Variants in SCPPPQ1 observed in about 807,000 individuals in gnomAD.
SCPPPQ1 encodes the protein secretory calcium-binding phosphoprotein proline- and glutamine-rich 1.
At chr4:87,464,383 C>A in the SCPPPQ1 span, among the ~76,000 whole-genome samples, 1 of 151,890 alleles carries the variant, frequency 6.6e-6, no homozygotes, top group Non-Finnish European at 1.5e-5. Context: ...CAACCCCAAA[C>A]CTATCTCTGG....
the SCPPPQ1 span, among the ~76,000 whole-genome samples, chr4:87,470,465 A>G: frequency 1.3e-5 from 2 of 152,196 alleles, no homozygotes; most frequent in Admixed American, 6.5e-5. Context: ...AGGAAATTGT[A>G]TGGGAAAAAT....
chr4:87,470,693 A>G, the SCPPPQ1 span, among the ~76,000 whole-genome samples: 1 of 152,178 alleles, frequency 6.6e-6, no homozygotes, highest in Non-Finnish European at 1.5e-5. Context: ...CAACTTTATC[A>G]TGTTATTATT....
chr4:87,463,961 T>A, the SCPPPQ1 span, among the ~76,000 whole-genome samples: 2 of 152,200 alleles, frequency 1.3e-5, no homozygotes, highest in Middle Eastern at 3.2e-3. Flanking sequence ...TGAATCTCTT[T>A]ACTTGTTGAG....
the SCPPPQ1 span, chr4:87,460,848 T>A: frequency 6.6e-6 from 1 of 152,630 alleles, no homozygotes; most frequent in Non-Finnish European, 1.5e-5. Flanking sequence ...AAGCCCATGG[T>A]CTAGATACAT....
chr4:87,465,559 CAAAAAAAAAAAA>C, the SCPPPQ1 span, among the ~76,000 whole-genome samples: 27 of 98,314 alleles, frequency 2.7e-4, no homozygotes, highest in African/African-American at 9.7e-4. Context: ...TAGAAATCTA[CAAAAAAAAAAAA>C]AAAAAAAAAA....
the SCPPPQ1 span, among the ~76,000 whole-genome samples, chr4:87,462,736 G>A: frequency 2.0e-5 from 3 of 152,086 alleles, no homozygotes; most frequent in Non-Finnish European, 2.9e-5. Flanking sequence ...AGTGGCTCAC[G>A]CCTGTAATCC....
chr4:87,467,047 C>G, the SCPPPQ1 span, among the ~76,000 whole-genome samples: 3 of 152,170 alleles, frequency 2.0e-5, no homozygotes, highest in Non-Finnish European at 4.4e-5. Context: ...ACTTGCTGTT[C>G]CTCTGCCTGA....
the SCPPPQ1 span, among the ~76,000 whole-genome samples, chr4:87,461,405 AG>A: frequency 6.6e-6 from 1 of 152,224 alleles, no homozygotes; most frequent in Non-Finnish European, 1.5e-5. Context: ...TAACATAAGT[AG>A]TACTCATGTT....
chr4:87,469,091 A>G, the SCPPPQ1 span, among the ~76,000 whole-genome samples: 1 of 152,192 alleles, frequency 6.6e-6, no homozygotes, highest in African/African-American at 2.4e-5. Flanking sequence ...CAAATCTACA[A>G]TGAGGTAGAT....
the SCPPPQ1 span, among the ~76,000 whole-genome samples, chr4:87,465,332 A>G: frequency 1.1e-4 from 16 of 152,260 alleles, no homozygotes; most frequent in African/African-American, 3.9e-4. Context: ...GTTTTCAAGG[A>G]TATGTGAAAT....
At chr4:87,463,512 T>C in the SCPPPQ1 span, among the ~76,000 whole-genome samples, 1 of 152,168 alleles carries the variant, frequency 6.6e-6, no homozygotes, top group South Asian at 2.1e-4. Context: ...ATTTAACTTA[T>C]TACATATGCA....
chr4:87,462,827 G>A, the SCPPPQ1 span, among the ~76,000 whole-genome samples: 11 of 152,016 alleles, frequency 7.2e-5, no homozygotes, highest in East Asian at 1.4e-3. Flanking sequence ...GTGAAACCCC[G>A]TCTCTACTAA....
At chr4:87,461,700 C>T in the SCPPPQ1 span, among the ~76,000 whole-genome samples, 2 of 152,116 alleles carry the variant, frequency 1.3e-5, no homozygotes, top group African/African-American at 2.4e-5. Flanking sequence ...CTGAGCACTT[C>T]GAGAGGCTAT....
the SCPPPQ1 span, among the ~76,000 whole-genome samples, chr4:87,469,185 A>G: frequency 1.3e-5 from 2 of 152,294 alleles, no homozygotes; most frequent in East Asian, 3.9e-4. Context: ...TACAAATGAA[A>G]CTCAATTCAA....
chr4:87,468,693 C>T, the SCPPPQ1 span, among the ~76,000 whole-genome samples: 2 of 152,098 alleles, frequency 1.3e-5, no homozygotes, highest in African/African-American at 2.4e-5. Context: ...GTTAAGCTGC[C>T]GTGACACTTT....
the SCPPPQ1 span, chr4:87,461,057 A>G: frequency 6.6e-6 from 1 of 152,654 alleles, no homozygotes; most frequent in Admixed American, 6.5e-5. Flanking sequence ...ATCACTAGGT[A>G]ATATTCCCTT....
At chr4:87,467,188 C>A in the SCPPPQ1 span, among the ~76,000 whole-genome samples, 1 of 152,162 alleles carries the variant, frequency 6.6e-6, no homozygotes, top group Admixed American at 6.5e-5. Context: ...CTTTATGAGT[C>A]TCTCTTCCTC....
chr4:87,470,144 T>C, the SCPPPQ1 span, among the ~76,000 whole-genome samples: 1 of 151,770 alleles, frequency 6.6e-6, no homozygotes, highest in African/African-American at 2.4e-5. Flanking sequence ...TTCTTAGAGA[T>C]GGGGTCTTGC....
chr4:87,468,582 T>A, the SCPPPQ1 span, among the ~76,000 whole-genome samples: 4 of 152,210 alleles, frequency 2.6e-5, no homozygotes, highest in African/African-American at 9.6e-5. Context: ...ATAGGTGAAG[T>A]TAATGATGTT....
Sources: allele counts gnomAD v4.1 joint callset (sites outside exome capture counted in the v4.1 genomes callset), GRCh38; gene constraint gnomAD v4.1.1; transcripts MANE v1.5; gene names NCBI Gene and HGNC (gene_info 2026-07-23, HGNC 2026-07-21).